HORMAD2: variants seen among roughly 807,000 people sequenced by gnomAD.
The protein encoded by HORMAD2 is HORMA domain containing 2, also known as HORMA domain-containing protein 2.
Under a neutral mutation model 38.8 loss-of-function variants are expected in HORMAD2, and 45 were observed. The observed-to-expected ratio is 1.16, with a 90% CI of 0.91 to 1.49. The LOEUF is 1.49. Ranked by LOEUF, HORMAD2 falls within the 40% of genes most tolerant of loss-of-function variation. The probability of loss-of-function intolerance (pLI) is 0.00; values close to 1 mark genes in which losing one functional copy is unlikely to be tolerated. For missense variants in HORMAD2, 338 were observed against 367.0 expected (o/e 0.92, Z 0.65); for synonymous variants, 126 against 122.8 (o/e 1.03, Z -0.17).
chr22:30,153,912 C>T (rs907279811), intron 10 of HORMAD2, among the ~76,000 whole-genome samples: 2 of 152,242 alleles, frequency 1.3e-5, no homozygotes, highest in African/African-American at 4.8e-5. Flanking sequence ...ACTGCTACCA[C>T]TCTGGCCCAA....
At chr22:30,192,258 C>T in the HORMAD2 span, 1 of 152,186 alleles carries the variant, frequency 6.6e-6, no homozygotes, top group Non-Finnish European at 1.5e-5. Context: ...TAACAAATAC[C>T]AACAGTTTAA....
chr22:30,158,315 C>A (rs1925210972), intron 10 of HORMAD2, among the ~76,000 whole-genome samples: 1 of 151,742 alleles, frequency 6.6e-6, no homozygotes, highest in Non-Finnish European at 1.5e-5. Context: ...AACAACTATA[C>A]AAAGCATAAG....
At chr22:30,112,717 G>T (rs1457885774) in intron 7 of HORMAD2, among the ~76,000 whole-genome samples, 195 bp downstream of exon 7, 1 of 151,974 alleles carries the variant, frequency 6.6e-6, no homozygotes, top group East Asian at 1.9e-4. Flanking sequence ...CTATGTAAGG[G>T]TATTGGGGAA....
At chr22:30,193,658 G>A in the HORMAD2 span, among the ~76,000 whole-genome samples, 6 of 152,346 alleles carry the variant, frequency 3.9e-5, no homozygotes, top group South Asian at 1.2e-3. Flanking sequence ...GGAACTTGAT[G>A]TGTTTTTGGA....
the HORMAD2 span, among the ~76,000 whole-genome samples, chr22:30,199,850 C>T: frequency 6.6e-6 from 1 of 151,820 alleles, no homozygotes; most frequent in Non-Finnish European, 1.5e-5. Context: ...TGGCTTATGC[C>T]TGTAATCTCA....
intron 1 of HORMAD2, among the ~76,000 whole-genome samples, chr22:30,088,217 A>C (rs529293646): frequency 3.6e-4 from 53 of 145,420 alleles, no homozygotes; most frequent in Non-Finnish European, 7.4e-5. Flanking sequence ...ACATATATAC[A>C]CATATATACA....
At chr22:30,109,523 C>G (rs2039556000) in intron 5 of HORMAD2, among the ~76,000 whole-genome samples, 1 of 152,066 alleles carries the variant, frequency 6.6e-6, no homozygotes, top group Non-Finnish European at 1.5e-5. Flanking sequence ...TACCATGTTT[C>G]CCAGGCTGGC....
At chr22:30,114,393 T>G (rs1283817421) in intron 7 of HORMAD2, among the ~76,000 whole-genome samples, 1 of 152,128 alleles carries the variant, frequency 6.6e-6, no homozygotes, top group East Asian at 1.9e-4. Flanking sequence ...ACTACTACTG[T>G]GGTATAGCAA....
In HORMAD2 at chr22:30,128,080, A is replaced by G. The variant is rs140584710; in HGVS notation, c.819+5866A>G. 4.7e-3 allele frequency among the ~76,000 whole-genome samples: 722 copies of G among 152,302 alleles called. 8 individuals carry two copies. The highest frequency in any genetic ancestry group is 0.016 in the African/African-American group (684 of 41,564). On this transcript the variant is annotated intron_variant, in intron 10 of 10. Transcript: ENST00000336726. ...AGGGTGCCAGAGAGTGAGGCACTCA[A>G]ATATTTCAAATATTTTAAGTTGATT...
chr22:30,143,283 A>G (rs759407733), intron 10 of HORMAD2, among the ~76,000 whole-genome samples: 2 of 152,134 alleles, frequency 1.3e-5, no homozygotes, highest in Non-Finnish European at 2.9e-5. Flanking sequence ...TGTTTTCTCA[A>G]GTCGGTTTGA....
At chr22:30,112,920 G>A (rs1273699169) in intron 7 of HORMAD2, among the ~76,000 whole-genome samples, 1 of 151,156 alleles carries the variant, frequency 6.6e-6, no homozygotes, top group Non-Finnish European at 1.5e-5. Flanking sequence ...TTCTGTTTAT[G>A]GCCTTTTGGG....
chr22:30,205,208 T>C, the HORMAD2 span, among the ~76,000 whole-genome samples: 1 of 152,072 alleles, frequency 6.6e-6, no homozygotes. Flanking sequence ...ACTTTACAGA[T>C]AGAATAACTG....
intron 8 of HORMAD2, among the ~76,000 whole-genome samples, chr22:30,119,744 T>C (rs1051162336): frequency 5.3e-5 from 8 of 152,142 alleles, no homozygotes; most frequent in Non-Finnish European, 1.0e-4. Flanking sequence ...GGAATCCAAG[T>C]AAGGGGGATG....
chr22:30,168,107 C>T (rs190743155), intron 10 of HORMAD2, among the ~76,000 whole-genome samples: 1 of 152,300 alleles, frequency 6.6e-6, no homozygotes, highest in African/African-American at 2.4e-5. Flanking sequence ...TAAAACTCTA[C>T]ATTATTTTTA....
chr22:30,166,152 T>C (rs1306396031), intron 10 of HORMAD2, among the ~76,000 whole-genome samples: 2 of 152,098 alleles, frequency 1.3e-5, no homozygotes, highest in East Asian at 3.8e-4. Flanking sequence ...TGAGATTACA[T>C]TTATTTGATG....
chr22:30,204,609 T>G, the HORMAD2 span, among the ~76,000 whole-genome samples: 2 of 152,138 alleles, frequency 1.3e-5, 1 homozygote, highest in Admixed American at 1.3e-4. Flanking sequence ...TGATAAGGTG[T>G]CCCGGCTGTC....
the HORMAD2 span, among the ~76,000 whole-genome samples, chr22:30,194,703 G>A: frequency 1.3e-5 from 2 of 152,162 alleles, no homozygotes; most frequent in Non-Finnish European, 2.9e-5. Flanking sequence ...GTCACAACGG[G>A]GAACTGACTG....
intron 10 of HORMAD2, among the ~76,000 whole-genome samples, chr22:30,131,517 A>G (rs1923282697): frequency 6.6e-6 from 1 of 152,184 alleles, no homozygotes; most frequent in African/African-American, 2.4e-5. Context: ...CATCTGTAAC[A>G]TATCAATTTC....
At chr22:30,114,319 A>G (rs550957308) in intron 7 of HORMAD2, among the ~76,000 whole-genome samples, 1 of 152,324 alleles carries the variant, frequency 6.6e-6, no homozygotes, top group East Asian at 1.9e-4. Context: ...AAAATTCAGT[A>G]GCATATTGGG....
Sources: allele counts gnomAD v4.1 joint callset (sites outside exome capture counted in the v4.1 genomes callset), GRCh38; gene constraint gnomAD v4.1.1; transcripts MANE v1.5; gene names NCBI Gene and HGNC (gene_info 2026-07-23, HGNC 2026-07-21).